NDRG1: variants seen among roughly 807,000 people sequenced by gnomAD.
NDRG1 encodes protein NDRG1.
Under a neutral mutation model 56.9 loss-of-function variants are expected in NDRG1, and 32 were observed. The ratio of observed to expected loss-of-function variants is 0.56; its 90% CI spans 0.42 to 0.76. The LOEUF (loss-of-function observed/expected upper bound fraction) is 0.76. Among genes scored for constraint, NDRG1 ranks in the 30% least tolerant of loss-of-function variants. NDRG1 has a pLI of 0.00. For missense variants in NDRG1, 507 were observed against 545.7 expected, an observed-to-expected ratio of 0.93 and a Z score of 0.71; for synonymous variants, 211 against 204.1, an observed-to-expected ratio of 1.03 and a Z score of -0.29.
At chr8:133,268,603 T>A (rs1229265028) in intron 3 of NDRG1, among the ~76,000 whole-genome samples, 1 of 152,040 alleles carries the variant, frequency 6.6e-6, no homozygotes, top group Non-Finnish European at 1.5e-5. Context: ...TAAGGCAGGG[T>A]ATCAGACCTC....
chr8:133,285,211 T>G (rs1858040292), intron 1 of NDRG1, among the ~76,000 whole-genome samples: 1 of 152,076 alleles, frequency 6.6e-6, no homozygotes, highest in African/African-American at 2.4e-5. Context: ...ACCAGAAGTA[T>G]AAGCATGTAT....
chr8:133,266,708 A>G (rs969093020), intron 3 of NDRG1, among the ~76,000 whole-genome samples: 3 of 152,170 alleles, frequency 2.0e-5, no homozygotes, highest in Non-Finnish European at 4.4e-5. Flanking sequence ...ATTTCATCTG[A>G]GAAACATTCA....
intron 12 of NDRG1, 73 bp from the exon 13 acceptor site, chr8:133,246,736 A>G: frequency 6.7e-6 from 9 of 1,345,724 alleles, no homozygotes; most frequent in Non-Finnish European, 9.6e-6. Context: ...CTTCTCCGCC[A>G]CTCTGCCACC....
In NDRG1 at chr8:133,238,977, GC is replaced by G; in HGVS notation, c.1085del (p.Ser362ThrfsTer115). ...GGGCCCCCTCGCTGGTGTGCGAGCG[GC>G]TGCGGGTGCCCTCGCTGGTGTGGGA... is the stretch of plus-strand genomic sequence containing the variant. ...SRSHTSEGTR[S>X]RSHTSEGAHL... On this transcript the variant is annotated frameshift_variant, in exon 16 of 16. Transcript: ENST00000323851. LOFTEE classifies it high-confidence loss of function. 1 of 1,591,506 alleles carries G rather than the reference GC, an allele frequency of 6.3e-7. No homozygotes were observed. Among genetic ancestry groups the G allele is most frequent in the South Asian group, 1.1e-5 (1 of 87,328 alleles).
rs761481771 is a variant in NDRG1, at chr8:133,250,492, C to T, written c.646G>A (p.Val216Met). Residue 216 changes from valine to methionine, a missense_variant, in exon 10 of 16, where the codon GTG becomes ATG. Val to Met is a conservative substitution (Grantham distance 21). Coordinates refer to ENST00000323851, the MANE Select transcript of NDRG1 (RefSeq NM_006096.4). ...EVVHTYRQHI[V>M]NDMNPGNLHL... ...AGGTTGCCGGGGTTCATGTCATTCA[C>T]AATGTGCTGGCGGTAGGTGTGGACC... 1.2e-6 allele frequency: 2 copies of T among 1,614,138 alleles called. No homozygotes were observed. The highest frequency in any genetic ancestry group is 8.5e-7 in the Non-Finnish European group (1 of 1,180,030).
intron 2 of NDRG1, among the ~76,000 whole-genome samples, chr8:133,283,936 C>T (rs1218124368): frequency 6.6e-6 from 1 of 152,214 alleles, no homozygotes; most frequent in African/African-American, 2.4e-5. Context: ...CTTCACTTTA[C>T]AAATGAGAGC....
At position 133,247,765 on chromosome 8, in the gene NDRG1, C is replaced by T. The variant is rs534945688; in HGVS notation, c.807+110G>A. Reference sequence around the variant, plus strand: ...AATATGGCATTTCAAAAAACATCACCTGCCCTGATGGGGCAGAGGAGAGGA... The same window carrying T: ...AATATGGCATTTCAAAAAACATCACTTGCCCTGATGGGGCAGAGGAGAGGA... On this transcript the variant is annotated intron_variant, in intron 12 of 15. Transcript: ENST00000323851. 428 of 1,181,510 alleles carry T rather than the reference C, an allele frequency of 3.6e-4. 1 individual carries two copies. The highest frequency in any genetic ancestry group is 2.6e-3 in the Middle Eastern group (11 of 4,236). The allele number at this position is 1,181,510 out of a possible 1,614,324, so 73.2% of individuals were successfully genotyped here.
chr8:133,262,020 G>T (rs1479389958), intron 5 of NDRG1, 27 bp downstream of exon 5: 1 of 1,593,554 alleles, frequency 6.3e-7, no homozygotes. Context: ...CCACCCTGTA[G>T]AGCTCATAGG....
intron 3 of NDRG1, among the ~76,000 whole-genome samples, chr8:133,276,552 C>G (rs1857465652): frequency 6.6e-6 from 1 of 152,114 alleles, no homozygotes. Context: ...CTGTGCTGTT[C>G]TCGTGATAGT....
At chr8:133,243,287 C>T (rs1855485325) in intron 14 of NDRG1, among the ~76,000 whole-genome samples, 1 of 152,204 alleles carries the variant, frequency 6.6e-6, no homozygotes, top group Non-Finnish European at 1.5e-5. Flanking sequence ...CTGCAGGGAA[C>T]AGGGACGCCT....
intron 3 of NDRG1, among the ~76,000 whole-genome samples, chr8:133,271,527 T>C (rs1309637865): frequency 3.9e-5 from 6 of 152,078 alleles, no homozygotes; most frequent in Non-Finnish European, 7.4e-5. Context: ...ATCCATTCCA[T>C]TAAGTAACAA....
At chr8:133,245,844 T>C (rs919521503) in intron 13 of NDRG1, among the ~76,000 whole-genome samples, 2 of 152,208 alleles carry the variant, frequency 1.3e-5, no homozygotes, top group African/African-American at 2.4e-5. Flanking sequence ...AGAAAATCTA[T>C]GTAAAGAGCC....
At chr8:133,239,155 A>G (rs765891071) in intron 15 of NDRG1, 36 bp from the exon 16 acceptor site, 89 of 1,549,780 alleles carry the variant, frequency 5.7e-5, no homozygotes, top group Non-Finnish European at 7.4e-5. Flanking sequence ...AGAGGGCAGG[A>G]GACTGCCAGG....
chr8:133,253,059 C>G (rs1420647224), intron 9 of NDRG1, among the ~76,000 whole-genome samples: 1 of 152,228 alleles, frequency 6.6e-6, no homozygotes, highest in Non-Finnish European at 1.5e-5. Flanking sequence ...GGTATGTAAG[C>G]AAAGCAGGTC....
rs1250078027 is a variant in NDRG1 at position 133,273,144 on chromosome 8, T to C, written c.99+7088A>G. 3.6e-5 allele frequency among the ~76,000 whole-genome samples: 5 copies of C among 137,048 alleles called. No homozygotes were observed. The East Asian group carries it at 1.3e-3, about 34-fold the overall frequency. 89.9% of individuals were successfully genotyped at this position (137,048 alleles called of 152,430 possible). A position where few individuals can be genotyped will look rare whatever the true frequency, so the allele number is the denominator to read the frequency against. ...AGGCCCTGTGGGTCACATCAGCTCA[T>C]TTCCCACAGAGCCCTGGTGAGCACA... On this transcript the variant is annotated intron_variant, in intron 3 of 15. Coordinates refer to ENST00000323851, the MANE Select transcript of NDRG1 (RefSeq NM_006096.4).
chr8:133,253,755 T>A (rs574366404), intron 9 of NDRG1, among the ~76,000 whole-genome samples: 2 of 152,328 alleles, frequency 1.3e-5, no homozygotes, highest in East Asian at 3.9e-4. Flanking sequence ...TACAGTGGGC[T>A]ATCCCAGCTC....
In NDRG1 at chr8:133,262,131, T is replaced by A. The variant is rs1241205387; in HGVS notation, c.242A>T (p.Asp81Val). The A allele has an allele frequency of 6.2e-7, 1 of 1,613,924 alleles. No homozygotes were observed. The highest frequency in any genetic ancestry group is 1.6e-4 in the Middle Eastern group (1 of 6,062). ...TCYNPLFNYEDMQEITQHFAV... is the reference protein window; with the variant it reads ...TCYNPLFNYEVMQEITQHFAV... ...AAAGTGCTGGGTGATCTCCTGCATG[T>A]CCTCGTAGTTGAAGAGGGGGTTGTA... Residue 81 changes from aspartate (D) to valine (V), a missense_variant, in exon 5 of 16, where the codon GAC (aspartate) becomes GTC (valine). Asp to Val is a radical substitution (Grantham distance 152, BLOSUM62 -3). Transcript: ENST00000323851.
chr8:133,295,648 AAG>A (rs1858707341), intron 1 of NDRG1, among the ~76,000 whole-genome samples: 1 of 152,224 alleles, frequency 6.6e-6, no homozygotes, highest in South Asian at 2.1e-4. Flanking sequence ...TCTCAACAGG[AAG>A]AGTCTAGACT....
At chr8:133,295,717 A>G (rs1000223953) in intron 1 of NDRG1, among the ~76,000 whole-genome samples, 12 of 152,082 alleles carry the variant, frequency 7.9e-5, no homozygotes, top group Non-Finnish European at 1.6e-4. Context: ...TTGTATTTAG[A>G]TATGTTCTTT....
Sources: gnomAD v4.1 joint callset for allele counts (sites outside exome capture counted in the v4.1 genomes callset) on GRCh38, gnomAD v4.1.1 for gene constraint, MANE v1.5 for transcripts, NCBI Gene and HGNC (gene_info 2026-07-23, HGNC 2026-07-21) for gene names.